Variants in GABRB2 observed in about 807,000 individuals in gnomAD.
GABRB2 encodes the protein gamma-aminobutyric acid type A receptor subunit beta2.
GABRB2 carries 16 observed loss-of-function variants against 54.7 expected under a neutral mutation model. That is an observed-to-expected ratio of 0.29 (90% CI 0.20 to 0.44). GABRB2 has a LOEUF of 0.44. Ranked by LOEUF, GABRB2 falls within the 20% of genes least tolerant of loss-of-function variation. GABRB2 has a pLI of 1.00. For synonymous variants in GABRB2, 244 were observed against 233.8 expected (o/e 1.04, Z -0.40); for missense variants, 355 against 644.0 (o/e 0.55, Z 4.86).
intron 4 of GABRB2, among the ~76,000 whole-genome samples, chr5:161,433,074 T>G (rs774619674): frequency 1.3e-5 from 2 of 152,078 alleles, no homozygotes; most frequent in African/African-American, 2.4e-5. Context: ...GGAGGGATGA[T>G]GCACAGTAGA....
At chr5:161,476,661 A>G (rs2113312851) in intron 3 of GABRB2, among the ~76,000 whole-genome samples, 1 of 152,000 alleles carries the variant, frequency 6.6e-6, no homozygotes, top group Middle Eastern at 3.4e-3. Context: ...AATGCTCTTA[A>G]GCAAGGGTGC....
At chr5:161,371,538 C>T (rs1755133829) in intron 5 of GABRB2, among the ~76,000 whole-genome samples, 1 of 152,142 alleles carries the variant, frequency 6.6e-6, no homozygotes, top group Admixed American at 6.5e-5. Flanking sequence ...GCCTATGCAA[C>T]AGAGCCTTAT....
intron 3 of GABRB2, among the ~76,000 whole-genome samples, chr5:161,468,109 C>T (rs1758329562): frequency 6.6e-6 from 1 of 152,018 alleles, no homozygotes; most frequent in Non-Finnish European, 1.5e-5. Flanking sequence ...CTATTATTTA[C>T]GAGTTCCTGT....
intron 9 of GABRB2, among the ~76,000 whole-genome samples, chr5:161,299,639 T>G (rs1308502855): frequency 6.6e-6 from 1 of 152,120 alleles, no homozygotes; most frequent in Non-Finnish European, 1.5e-5. Flanking sequence ...TTTCTCTCCC[T>G]CTTTCCCTCT....
intron 5 of GABRB2, among the ~76,000 whole-genome samples, chr5:161,375,549 C>A (rs924806392): frequency 6.6e-6 from 1 of 152,112 alleles, no homozygotes; most frequent in Non-Finnish European, 1.5e-5. Context: ...AACAATCCAC[C>A]TCATCCCATA....
chr5:161,435,023 C>T (rs1757270633), intron 4 of GABRB2, among the ~76,000 whole-genome samples: 2 of 152,202 alleles, frequency 1.3e-5, no homozygotes, highest in Admixed American at 1.3e-4. Flanking sequence ...ATAGAGATGT[C>T]TGTGTTTCCA....
chr5:161,397,044 T>C (rs968069352), intron 5 of GABRB2, among the ~76,000 whole-genome samples: 6 of 152,322 alleles, frequency 3.9e-5, no homozygotes, highest in Admixed American at 3.9e-4. Flanking sequence ...TCATCTTACA[T>C]TGAAGATATT....
chr5:161,463,317 C>CACACA (rs1554102377), intron 3 of GABRB2, among the ~76,000 whole-genome samples: 10 of 141,188 alleles, frequency 7.1e-5, no homozygotes, highest in East Asian at 2.1e-4. Context: ...TACACACACA[C>CACACA]CACACACACA....
chr5:161,467,497 C>T (rs779183349), intron 3 of GABRB2, among the ~76,000 whole-genome samples: 26 of 152,058 alleles, frequency 1.7e-4, no homozygotes, highest in Non-Finnish European at 3.7e-4. Flanking sequence ...AAATGTAATA[C>T]AAGTTTCATG....
At chr5:161,403,605 AAAAG>A (rs1241447478) in intron 5 of GABRB2, among the ~76,000 whole-genome samples, 2 of 152,162 alleles carry the variant, frequency 1.3e-5, no homozygotes, top group African/African-American at 4.8e-5. Flanking sequence ...CATCGTCACA[AAAAG>A]AAAGAGAAAC....
At chr5:161,433,042 C>T (rs144341675) in intron 4 of GABRB2, among the ~76,000 whole-genome samples, 5 of 152,176 alleles carry the variant, frequency 3.3e-5, no homozygotes, top group African/African-American at 4.8e-5. Context: ...AATCTGTATG[C>T]TCTTCAATGT....
Position 161,495,528 on chromosome 5 carries a change from A to T in GABRB2, c.238-35684T>A, listed in dbSNP as rs192554378. Among the ~76,000 whole-genome samples the T allele has an allele frequency of 1.5e-3, 226 of 152,104 alleles. 2 individuals carry two copies. The East Asian group carries it at 0.029, about 19-fold the overall frequency. ...AGAAATTTGAAAACGTTTGCCCCAAATTATCCTGATAGTTCACTATATCAA... is the reference window on the plus strand; with the variant it reads ...AGAAATTTGAAAACGTTTGCCCCAATTTATCCTGATAGTTCACTATATCAA... On this transcript the variant is annotated intron_variant, in intron 3 of 9. Transcript: ENST00000393959.
At chr5:161,505,442 T>C (rs1759578034) in intron 3 of GABRB2, among the ~76,000 whole-genome samples, 1 of 152,134 alleles carries the variant, frequency 6.6e-6, no homozygotes, top group South Asian at 2.1e-4. Flanking sequence ...AGTCTTTTCT[T>C]GAGACCAGCA....
intron 3 of GABRB2, among the ~76,000 whole-genome samples, chr5:161,491,653 T>C (rs1446007464): frequency 6.6e-6 from 1 of 151,490 alleles, no homozygotes; most frequent in African/African-American, 2.4e-5. Context: ...TTCAGAACCT[T>C]CAAAACCAAG....
chr5:161,313,119 T>G (rs1257351016), intron 9 of GABRB2, among the ~76,000 whole-genome samples: 1 of 152,188 alleles, frequency 6.6e-6, no homozygotes, highest in African/African-American at 2.4e-5. Flanking sequence ...AGCTGTTATG[T>G]CCTGTGAAGT....
chr5:161,525,824 T>A (rs929059446), intron 3 of GABRB2, among the ~76,000 whole-genome samples: 3 of 151,238 alleles, frequency 2.0e-5, no homozygotes, highest in African/African-American at 7.3e-5. Context: ...ATTAAATAAA[T>A]CAACCTGGGG....
intron 5 of GABRB2, among the ~76,000 whole-genome samples, chr5:161,347,933 A>G (rs1403752833): frequency 6.6e-6 from 1 of 152,114 alleles, no homozygotes; most frequent in African/African-American, 2.4e-5. Context: ...ACATTGCTAA[A>G]GGGAATTTCC....
chr5:161,502,776 T>C (rs551869429), intron 3 of GABRB2, among the ~76,000 whole-genome samples: 47 of 152,296 alleles, frequency 3.1e-4, no homozygotes, highest in African/African-American at 1.1e-3. Context: ...GCTGATGAAG[T>C]AGCCGAAATT....
chr5:161,544,085 T>C (rs1297351294), intron 3 of GABRB2, among the ~76,000 whole-genome samples: 1 of 152,184 alleles, frequency 6.6e-6, no homozygotes, highest in East Asian at 1.9e-4. Flanking sequence ...CTGAGCTTCT[T>C]CTTGTTTGAA....
Sources: allele counts gnomAD v4.1 joint callset (sites outside exome capture counted in the v4.1 genomes callset), GRCh38; gene constraint gnomAD v4.1.1; transcripts MANE v1.5; gene names NCBI Gene and HGNC (gene_info 2026-07-23, HGNC 2026-07-21).